Variants in C8orf34 observed in about 807,000 individuals in gnomAD.
C8orf34 encodes uncharacterized protein C8orf34.
In C8orf34, 65 loss-of-function variants were observed where a neutral mutation model predicts 68.3. The observed-to-expected ratio is 0.95, with a 90% CI of 0.78 to 1.17. C8orf34 has a LOEUF of 1.17. Ranked by LOEUF, C8orf34 falls within the 50% of genes most tolerant of loss-of-function variation. The pLI is 0.00. For missense variants in C8orf34, 664 were observed against 655.4 expected (o/e 1.01, Z -0.14); for synonymous variants, 244 against 241.2 (o/e 1.01, Z -0.11).
intron 1 of C8orf34, among the ~76,000 whole-genome samples, chr8:68,402,740 G>A (rs1000807715): frequency 3.3e-5 from 5 of 152,010 alleles, no homozygotes; most frequent in Admixed American, 3.3e-4. Context: ...TTGATATTGA[G>A]TTACAGTTTT....
intron 7 of C8orf34, among the ~76,000 whole-genome samples, chr8:68,553,871 A>G (rs1004755060): frequency 8.4e-5 from 4 of 47,420 alleles, no homozygotes; most frequent in African/African-American, 2.6e-4. Context: ...CTATGCCACA[A>G]CAAAAGTTTT....
intron 1 of C8orf34, among the ~76,000 whole-genome samples, chr8:68,436,472 C>T (rs1377020798): frequency 1.3e-5 from 2 of 152,136 alleles, no homozygotes; most frequent in African/African-American, 4.8e-5. Flanking sequence ...AGTACTTAGT[C>T]TAAAATGTCC....
chr8:68,409,730 T>C (rs1241132440), intron 1 of C8orf34, among the ~76,000 whole-genome samples: 5 of 152,192 alleles, frequency 3.3e-5, no homozygotes, highest in Non-Finnish European at 7.4e-5. Context: ...GTCCTAGGCC[T>C]TCACATTCAC....
chr8:68,533,663 C>T, intron 7 of C8orf34: 2 of 975,492 alleles, frequency 2.1e-6, no homozygotes, highest in African/African-American at 1.8e-5. Flanking sequence ...AAAGTTTCTT[C>T]AGGCCTGTTA....
At chr8:68,382,241 A>G (rs1212558161) in intron 1 of C8orf34, among the ~76,000 whole-genome samples, 3 of 152,236 alleles carry the variant, frequency 2.0e-5, no homozygotes, top group African/African-American at 7.2e-5. Context: ...AATTGCATAT[A>G]AAATGATGTG....
At chr8:68,532,828 C>T (rs781711162) in intron 6 of C8orf34, among the ~76,000 whole-genome samples, 155 bp from the exon 7 acceptor site, 56 of 152,074 alleles carry the variant, frequency 3.7e-4, no homozygotes, top group Non-Finnish European at 7.2e-4. Flanking sequence ...TAGTGAGGTA[C>T]GGATGGGTGT....
intron 7 of C8orf34, among the ~76,000 whole-genome samples, chr8:68,601,325 C>T (rs952852063): frequency 1.3e-5 from 2 of 151,916 alleles, no homozygotes; most frequent in Admixed American, 6.6e-5. Flanking sequence ...TTTATTCAGT[C>T]CCATTCTCTT....
chr8:68,544,797 T>A (rs1815817207), intron 7 of C8orf34, among the ~76,000 whole-genome samples: 1 of 151,788 alleles, frequency 6.6e-6, no homozygotes, highest in Non-Finnish European at 1.5e-5. Context: ...ATCAAATAAT[T>A]CGGAAAAAAA....
At chr8:68,542,162 G>A (rs952133449) in intron 7 of C8orf34, among the ~76,000 whole-genome samples, 10 of 152,124 alleles carry the variant, frequency 6.6e-5, no homozygotes, top group East Asian at 3.9e-4. Flanking sequence ...TTGTAGAAAC[G>A]TACAACTTGA....
chr8:68,456,465 G>A (rs1174078980), intron 3 of C8orf34, among the ~76,000 whole-genome samples: 1 of 152,202 alleles, frequency 6.6e-6, no homozygotes, highest in Non-Finnish European at 1.5e-5. Flanking sequence ...CTATGTGAAT[G>A]AGTGCATAAA....
chr8:68,773,325 C>CTTGTACCACACTTG (rs1012257429), intron 10 of C8orf34, among the ~76,000 whole-genome samples: 2 of 152,156 alleles, frequency 1.3e-5, no homozygotes, highest in African/African-American at 4.8e-5. Context: ...TCCACTTGGC[C>CTTGTACCACACTTG]TTGTACCACA....
intron 1 of C8orf34, among the ~76,000 whole-genome samples, chr8:68,423,217 C>CA (rs1810060417): frequency 6.6e-6 from 1 of 152,134 alleles, no homozygotes; most frequent in Admixed American, 6.5e-5. Flanking sequence ...TGTCAGTCTG[C>CA]AAATTTTCTA....
chr8:68,507,814 T>C (rs1814089886), intron 5 of C8orf34, among the ~76,000 whole-genome samples: 2 of 152,242 alleles, frequency 1.3e-5, no homozygotes, highest in African/African-American at 4.8e-5. Flanking sequence ...ATTTCCTTTA[T>C]ATAGTTTGAT....
At chr8:68,423,031 C>A (rs1810050547) in intron 1 of C8orf34, among the ~76,000 whole-genome samples, 1 of 152,164 alleles carries the variant, frequency 6.6e-6, no homozygotes, top group African/African-American at 2.4e-5. Flanking sequence ...TGAGCCTGGC[C>A]AAGGAAAACA....
intron 1 of C8orf34, among the ~76,000 whole-genome samples, chr8:68,433,644 C>T (rs1416761273): frequency 2.0e-5 from 3 of 152,152 alleles, no homozygotes; most frequent in Admixed American, 6.5e-5. Flanking sequence ...TCATTGAAAC[C>T]TTAGAGGCTC....
chr8:68,583,073 A>G (rs570796267), intron 7 of C8orf34, among the ~76,000 whole-genome samples: 53 of 152,244 alleles, frequency 3.5e-4, no homozygotes, highest in South Asian at 2.5e-3. Flanking sequence ...AGGGTAATGT[A>G]TACTGTTTTT....
chr8:68,473,403 A>G (rs1036097449), intron 4 of C8orf34, among the ~76,000 whole-genome samples: 1 of 152,150 alleles, frequency 6.6e-6, no homozygotes, highest in African/African-American at 2.4e-5. Context: ...TAGGCTTTCC[A>G]CTTGGCAGGT....
At chr8:68,555,698 C>T (rs923319542) in intron 7 of C8orf34, among the ~76,000 whole-genome samples, 1 of 152,020 alleles carries the variant, frequency 6.6e-6, no homozygotes, top group Non-Finnish European at 1.5e-5. Context: ...TTTAAATTTA[C>T]GTCTGCAATA....
At chr8:68,644,272 G>A (rs1819101101) in intron 8 of C8orf34, among the ~76,000 whole-genome samples, 1 of 152,100 alleles carries the variant, frequency 6.6e-6, no homozygotes, top group Non-Finnish European at 1.5e-5. Context: ...TTAGGGGAGA[G>A]GGAATGATTT....
Sources: allele counts gnomAD v4.1 joint callset (sites outside exome capture counted in the v4.1 genomes callset), GRCh38; gene constraint gnomAD v4.1.1; transcripts MANE v1.5; gene names NCBI Gene and HGNC (gene_info 2026-07-23, HGNC 2026-07-21).